Variants in FOXP2 observed in about 807,000 individuals in gnomAD.
FOXP2 encodes the protein forkhead box protein P2.
FOXP2 carries 12 observed loss-of-function variants against 115.8 expected under a neutral mutation model. The observed-to-expected ratio is 0.10, with a 90% CI of 0.07 to 0.17. The LOEUF (loss-of-function observed/expected upper bound fraction) is 0.17, where lower values mean the gene tolerates loss of function less well. Ranked by LOEUF, FOXP2 falls within the 10% of genes least tolerant of loss-of-function variation. The probability of loss-of-function intolerance (pLI) is 1.00; values close to 1 mark genes in which losing one functional copy is unlikely to be tolerated. For synonymous variants in FOXP2, 328 were observed against 297.7 expected (o/e 1.10, Z -1.05); for missense variants, 629 against 843.5 (o/e 0.75, Z 3.15).
intron 3 of FOXP2, among the ~76,000 whole-genome samples, chr7:114,549,000 C>A (rs1392058429): frequency 2.0e-5 from 3 of 152,172 alleles, no homozygotes; most frequent in Non-Finnish European, 4.4e-5. Flanking sequence ...ACATTCCTCC[C>A]AGCTTTAGTG....
chr7:114,411,477 C>A (rs1250230608), upstream of FOXP2, among the ~76,000 whole-genome samples: 1 of 151,976 alleles, frequency 6.6e-6, no homozygotes, highest in African/African-American at 2.4e-5. Flanking sequence ...GAGACTTGAC[C>A]ATTTTTGAAT....
At chr7:114,583,886 C>A (rs1801990829) in intron 3 of FOXP2, among the ~76,000 whole-genome samples, 1 of 152,128 alleles carries the variant, frequency 6.6e-6, no homozygotes, top group Non-Finnish European at 1.5e-5. Context: ...TGTAGCTCTT[C>A]AAACTAAATT....
intron 2 of FOXP2, among the ~76,000 whole-genome samples, chr7:114,361,480 A>G (rs530815770): frequency 6.6e-6 from 1 of 152,214 alleles, no homozygotes; most frequent in East Asian, 1.9e-4. Context: ...TTAGGAAAGG[A>G]GATTTCAAGT....
At chr7:114,144,932 T>C (rs896075231) in intron 1 of FOXP2, among the ~76,000 whole-genome samples, 1 of 152,230 alleles carries the variant, frequency 6.6e-6, no homozygotes, top group Non-Finnish European at 1.5e-5. Flanking sequence ...AATGTTCAAA[T>C]TGACTCTTCT....
At chr7:114,430,895 T>G (rs1330819637) in intron 2 of FOXP2, among the ~76,000 whole-genome samples, 1 of 151,994 alleles carries the variant, frequency 6.6e-6, no homozygotes, top group Non-Finnish European at 1.5e-5. Flanking sequence ...ACTTCAATAC[T>G]CATGTAAAAG....
intron 9 of FOXP2, among the ~76,000 whole-genome samples, chr7:114,653,041 T>A (rs1438603316): frequency 6.6e-6 from 1 of 152,150 alleles, no homozygotes; most frequent in East Asian, 1.9e-4. Flanking sequence ...CTTTTCTCAA[T>A]GAAACTAATA....
chr7:114,408,622 G>A (rs1793094036), intron 2 of FOXP2, among the ~76,000 whole-genome samples: 1 of 152,090 alleles, frequency 6.6e-6, no homozygotes, highest in Admixed American at 6.6e-5. Context: ...AGCTACTCAG[G>A]AGGCTGAGGC....
chr7:114,611,939 G>T (rs1233826908), intron 3 of FOXP2, among the ~76,000 whole-genome samples: 1 of 151,924 alleles, frequency 6.6e-6, no homozygotes, highest in Non-Finnish European at 1.5e-5. Context: ...GAGGTGGAGA[G>T]TAAAAAAGAA....
At chr7:114,104,738 A>G (rs537094280) in intron 1 of FOXP2, among the ~76,000 whole-genome samples, 2 of 152,104 alleles carry the variant, frequency 1.3e-5, no homozygotes, top group East Asian at 3.9e-4. Context: ...CAAAATGCCT[A>G]AGTAAATTAT....
intron 2 of FOXP2, among the ~76,000 whole-genome samples, chr7:114,315,098 A>G (rs1797243156): frequency 6.6e-6 from 1 of 152,190 alleles, no homozygotes. Context: ...ATGTCAATCC[A>G]GGTTCCATCA....
intron 2 of FOXP2, among the ~76,000 whole-genome samples, chr7:114,303,970 G>A (rs1008984046): frequency 6.6e-6 from 1 of 151,954 alleles, no homozygotes; most frequent in African/African-American, 2.4e-5. Context: ...TAAGTATATT[G>A]ATGAGAATAA....
At chr7:114,180,573 A>G (rs1222299926) in intron 1 of FOXP2, among the ~76,000 whole-genome samples, 9 of 151,978 alleles carry the variant, frequency 5.9e-5, no homozygotes, top group Non-Finnish European at 7.4e-5. Context: ...TACATGTATA[A>G]TTAAGTATAT....
chr7:114,164,754 G>A (rs1401089049), intron 1 of FOXP2, among the ~76,000 whole-genome samples: 3 of 152,110 alleles, frequency 2.0e-5, no homozygotes, highest in Non-Finnish European at 4.4e-5. Context: ...AAAATGTGAT[G>A]AAACTTTAAA....
At chr7:114,137,947 A>G (rs1463968820) in intron 1 of FOXP2, among the ~76,000 whole-genome samples, 1 of 151,840 alleles carries the variant, frequency 6.6e-6, no homozygotes, top group Non-Finnish European at 1.5e-5. Context: ...CTCTAATTTG[A>G]AAAAAAACAG....
intron 2 of FOXP2, among the ~76,000 whole-genome samples, chr7:114,473,063 C>G (rs1194530104): frequency 6.6e-6 from 1 of 152,142 alleles, no homozygotes; most frequent in Non-Finnish European, 1.5e-5. Flanking sequence ...ATCAGGATAT[C>G]TAAGCTTGGA....
chr7:114,208,779 C>T (rs1794267464), intron 1 of FOXP2, among the ~76,000 whole-genome samples: 1 of 152,120 alleles, frequency 6.6e-6, no homozygotes, highest in Non-Finnish European at 1.5e-5. Context: ...CAAGCTCTCT[C>T]TCTCTTTGCC....
intron 2 of FOXP2, among the ~76,000 whole-genome samples, chr7:114,312,799 C>T (rs1182993426): frequency 1.3e-5 from 2 of 152,188 alleles, no homozygotes; most frequent in African/African-American, 4.8e-5. Flanking sequence ...TTGTAGCAAG[C>T]AGTAAGCTAG....
At chr7:114,249,879 A>G (rs1009741902) in intron 1 of FOXP2, among the ~76,000 whole-genome samples, 14 of 151,834 alleles carry the variant, frequency 9.2e-5, no homozygotes, top group African/African-American at 3.1e-4. Flanking sequence ...TACATGTGCC[A>G]TGTTGGTGTG....
chr7:114,580,928 C>T (rs949875806), intron 3 of FOXP2, among the ~76,000 whole-genome samples: 3 of 151,844 alleles, frequency 2.0e-5, no homozygotes, highest in Admixed American at 2.0e-4. Flanking sequence ...TTAAGGAGAT[C>T]CTGAAGAGTA....
Sources: allele counts gnomAD v4.1 joint callset (sites outside exome capture counted in the v4.1 genomes callset), GRCh38; gene constraint gnomAD v4.1.1; transcripts MANE v1.5; gene names NCBI Gene and HGNC (gene_info 2026-07-23, HGNC 2026-07-21).